The following SCML4 variants were observed in gnomAD, a reference collection of about 807,000 sequenced individuals.
The protein encoded by SCML4 is sex comb on midleg-like protein 4.
Under a neutral mutation model 41.1 loss-of-function variants are expected in SCML4, and 34 were observed. That is an observed-to-expected ratio of 0.83 (90% CI 0.63 to 1.10). SCML4 has a LOEUF of 1.10. Ranked by LOEUF, SCML4 falls within the 50% of genes least tolerant of loss-of-function variation. SCML4 has a pLI of 0.00. For missense variants in SCML4, 522 were observed against 534.1 expected, an observed-to-expected ratio of 0.98 and a Z score of 0.22; for synonymous variants, 214 against 220.9, an observed-to-expected ratio of 0.97 and a Z score of 0.28.
At chr6:107,844,536 TA>T in the SCML4 span, among the ~76,000 whole-genome samples, 1 of 147,306 alleles carries the variant, frequency 6.8e-6, no homozygotes, top group African/African-American at 2.5e-5. Context: ...TGTCTCTACA[TA>T]ATATTTTTAA....
intron 5 of SCML4, among the ~76,000 whole-genome samples, chr6:107,734,747 C>T (rs896236727): frequency 4.6e-5 from 7 of 152,346 alleles, no homozygotes; most frequent in African/African-American, 1.7e-4. Context: ...CTGGAGAACA[C>T]TCCCTATTCC....
the SCML4 span, among the ~76,000 whole-genome samples, chr6:107,837,629 A>AC: frequency 1.3e-5 from 2 of 152,170 alleles, no homozygotes; most frequent in Non-Finnish European, 2.9e-5. Context: ...AACACCAGAC[A>AC]CCATGATATC....
chr6:107,723,701 G>T (rs1345858665), intron 5 of SCML4, among the ~76,000 whole-genome samples: 2 of 152,066 alleles, frequency 1.3e-5, no homozygotes, highest in African/African-American at 4.8e-5. Context: ...ATAACTTCAC[G>T]GTTGAATTCT....
At chr6:107,820,757 C>A (rs976517408) in intron 1 of SCML4, among the ~76,000 whole-genome samples, 1 of 151,984 alleles carries the variant, frequency 6.6e-6, no homozygotes, top group Non-Finnish European at 1.5e-5. Context: ...TTCCCCACAG[C>A]GATTTACAGC....
At position 107,746,746 on chromosome 6, in the gene SCML4, G is replaced by A; in HGVS notation, c.430C>T (p.Gln144Ter). 6.2e-7 allele frequency: 1 copy of A among 1,614,172 alleles called. No individual in the cohort carries two copies. Among genetic ancestry groups the A allele is most frequent in the African/African-American group, 1.3e-5 (1 of 75,062 alleles). The change falls in exon 4 of 8, where the codon CAG becomes TAG. Residue 144 changes from glutamine to a stop codon, truncating the protein, a stop_gained. Transcript: ENST00000369020. LOFTEE classifies it high-confidence loss of function. Reference protein sequence around the residue: ...AVQACIDCAHQQKLVFSLVKQ... With the variant: ...AVQACIDCAH ...ACCAGGGAGAAGACCAGCTTCTGCT[G>A]GTGGGCGCAGTCGATGCAGGCTTGG...
intron 1 of SCML4, among the ~76,000 whole-genome samples, chr6:107,816,053 C>T (rs967723634): frequency 7.2e-5 from 11 of 152,220 alleles, no homozygotes; most frequent in East Asian, 1.9e-4. Flanking sequence ...GGTGAAAAGA[C>T]ACGGACGCCC....
At chr6:107,739,264 C>T (rs1304488431) in intron 5 of SCML4, among the ~76,000 whole-genome samples, 1 of 152,086 alleles carries the variant, frequency 6.6e-6, no homozygotes, top group African/African-American at 2.4e-5. Context: ...ATTCAATCTA[C>T]CTTTTACTTA....
chr6:107,740,945 T>C (rs1450263707), intron 5 of SCML4, among the ~76,000 whole-genome samples: 1 of 152,074 alleles, frequency 6.6e-6, no homozygotes, highest in African/African-American at 2.4e-5. Flanking sequence ...GTTAGCGAGC[T>C]ATGGGAGGAG....
rs371598974 is a variant in SCML4, at chr6:107,751,847, G to A, written c.157-2034C>T. 1.1e-4 allele frequency among the ~76,000 whole-genome samples: 16 copies of A among 152,124 alleles called. No individual in the cohort carries two copies. In the South Asian group the frequency reaches 1.9e-3, roughly 18 times the overall value. ...GACAGGCTTTCACCATGTTGGCCAG[G>A]CTGATCTCAAACTCTTGACCTCATG... On this transcript the variant is annotated intron_variant, in intron 2 of 7. Transcript: ENST00000369020.
chr6:107,834,407 T>C, the SCML4 span, among the ~76,000 whole-genome samples: 1 of 152,198 alleles, frequency 6.6e-6, no homozygotes, highest in African/African-American at 2.4e-5. Context: ...CCACAGCCCC[T>C]GGCTCTCTCA....
chr6:107,784,873 C>A (rs1448183598), intron 1 of SCML4, among the ~76,000 whole-genome samples: 3 of 151,986 alleles, frequency 2.0e-5, no homozygotes, highest in Admixed American at 6.5e-5. Flanking sequence ...ATCCTAATCA[C>A]CCCAGTGGTT....
At chr6:107,772,616 G>C (rs1780612049) in intron 1 of SCML4, among the ~76,000 whole-genome samples, 1 of 152,196 alleles carries the variant, frequency 6.6e-6, no homozygotes, top group South Asian at 2.1e-4. Context: ...GGCAAGTGAA[G>C]TAGGGAAGAT....
chr6:107,834,496 A>G, the SCML4 span, among the ~76,000 whole-genome samples: 3 of 152,330 alleles, frequency 2.0e-5, no homozygotes, highest in Non-Finnish European at 2.9e-5. Context: ...AGCCCACAAG[A>G]AAAGACTTAC....
intron 2 of SCML4, among the ~76,000 whole-genome samples, chr6:107,757,060 G>T (rs1779172362): frequency 6.6e-6 from 1 of 152,206 alleles, no homozygotes; most frequent in South Asian, 2.1e-4. Context: ...AGAGAATACT[G>T]CTGGGACAAA....
chr6:107,720,335 G>C, intron 6 of SCML4: 1 of 971,614 alleles, frequency 1.0e-6, no homozygotes, highest in Non-Finnish European at 1.2e-6. Flanking sequence ...CATGAAGGCT[G>C]TAGAGGGTGG....
chr6:107,785,804 G>A (rs909880938), intron 1 of SCML4, among the ~76,000 whole-genome samples: 1 of 152,168 alleles, frequency 6.6e-6, no homozygotes, highest in African/African-American at 2.4e-5. Flanking sequence ...AATGACCTAA[G>A]AGCCCAGGAT....
chr6:107,780,865 A>G (rs965500629), intron 1 of SCML4, among the ~76,000 whole-genome samples: 26 of 152,178 alleles, frequency 1.7e-4, no homozygotes, highest in African/African-American at 6.3e-4. Context: ...CGGTGCTAAG[A>G]GGACAAAGAA....
intron 1 of SCML4, among the ~76,000 whole-genome samples, chr6:107,807,324 C>T (rs1477240930): frequency 1.3e-5 from 2 of 152,180 alleles, no homozygotes; most frequent in Non-Finnish European, 2.9e-5. Flanking sequence ...GACGCCAGCC[C>T]ACCAGGCATC....
intron 5 of SCML4, among the ~76,000 whole-genome samples, chr6:107,721,370 C>A (rs1775393293): frequency 6.6e-6 from 1 of 152,066 alleles, no homozygotes; most frequent in African/African-American, 2.4e-5. Context: ...TCAAGACCAG[C>A]CTGGCCAACA....
Sources: gnomAD v4.1 joint callset for allele counts (sites outside exome capture counted in the v4.1 genomes callset) on GRCh38, gnomAD v4.1.1 for gene constraint, MANE v1.5 for transcripts, NCBI Gene and HGNC (gene_info 2026-07-23, HGNC 2026-07-21) for gene names.